The following TMEM170A variants were observed in gnomAD, a reference collection of about 807,000 sequenced individuals.
TMEM170A encodes the protein transmembrane protein 170A.
In TMEM170A, 18 loss-of-function variants were observed where a neutral mutation model predicts 12.8. That is an observed-to-expected ratio of 1.41 (90% CI 0.97 to 2.09). The LOEUF is 2.09. Ranked by LOEUF, TMEM170A falls within the 30% of genes most tolerant of loss-of-function variation. The pLI is 0.00. For missense variants in TMEM170A, 220 were observed against 179.9 expected (o/e 1.22, Z -1.28); for synonymous variants, 107 against 76.2 (o/e 1.40, Z -2.11).
intron 1 of TMEM170A, among the ~76,000 whole-genome samples, chr16:75,462,859 A>G (rs963442392): frequency 6.6e-6 from 1 of 152,174 alleles, no homozygotes; most frequent in African/African-American, 2.4e-5. Context: ...TTATTCTATG[A>G]TGTTCAGTTT....
chr16:75,463,009 T>G (rs37593), intron 1 of TMEM170A, among the ~76,000 whole-genome samples: 1 of 151,940 alleles, frequency 6.6e-6, no homozygotes, highest in African/African-American at 2.4e-5. Flanking sequence ...GTGACCTACA[T>G]CTAAGTGTGA....
chr16:75,444,785 T>C lies in TMEM170A; in HGVS notation c.*2773A>G, dbSNP rs2079556335. ...GATGAAACACTCAGTAATTTGAAGA[T>C]ACCTTTTATACGTTTAGTTTTTTAA... On this transcript the variant is annotated 3_prime_UTR_variant, in exon 3 of 3. Coordinates refer to ENST00000561878, the MANE Select transcript of TMEM170A (RefSeq NM_145254.3). The C allele has an allele frequency of 6.6e-6, 1 of 152,188 alleles. No individual in the cohort carries two copies. Among genetic ancestry groups the C allele is most frequent in the African/African-American group, 2.4e-5 (1 of 41,452 alleles). 9.4% of individuals were successfully genotyped at this position (152,188 alleles called of 1,614,324 possible).
intron 1 of TMEM170A, chr16:75,458,140 A>G (rs1310406036): frequency 6.6e-6 from 1 of 152,166 alleles, no homozygotes; most frequent in East Asian, 1.9e-4. Flanking sequence ...CATATCTTAC[A>G]GTATTTATTT....
chr16:75,460,728 T>C (rs1182092583), intron 1 of TMEM170A, among the ~76,000 whole-genome samples: 5 of 152,172 alleles, frequency 3.3e-5, no homozygotes, highest in South Asian at 2.1e-4. Flanking sequence ...GGCTTTGCTT[T>C]GTTACTATGG....
intron 1 of TMEM170A, among the ~76,000 whole-genome samples, chr16:75,460,579 C>T (rs1356090795): frequency 6.6e-6 from 1 of 152,148 alleles, no homozygotes; most frequent in Middle Eastern, 3.2e-3. Flanking sequence ...ATATCATCAC[C>T]ATCCAGGGCC....
chr16:75,451,176 T>A (rs2151631099), intron 2 of TMEM170A, among the ~76,000 whole-genome samples: 1 of 152,094 alleles, frequency 6.6e-6, no homozygotes, highest in African/African-American at 2.4e-5. Context: ...CTGAAGCCAC[T>A]GAGATGAAAT....
intron 2 of TMEM170A, among the ~76,000 whole-genome samples, chr16:75,449,272 A>G (rs1729106088): frequency 6.6e-6 from 1 of 152,064 alleles, no homozygotes; most frequent in South Asian, 2.1e-4. Flanking sequence ...TGGGGACACA[A>G]GACAGAAACA....
intron 1 of TMEM170A, chr16:75,458,169 A>C (rs2079833220): frequency 6.6e-6 from 1 of 152,240 alleles, no homozygotes; most frequent in Non-Finnish European, 1.5e-5. Flanking sequence ...CTTTAAAGCA[A>C]GTATATTACT....
At chr16:75,458,922 C>G (rs903972908) in intron 1 of TMEM170A, 2 of 151,782 alleles carry the variant, frequency 1.3e-5, no homozygotes, top group African/African-American at 4.8e-5. Flanking sequence ...TTGAGACAGT[C>G]TCACTCTGTT....
chr16:75,454,392 G>A (rs2079746745), intron 1 of TMEM170A, among the ~76,000 whole-genome samples: 1 of 152,118 alleles, frequency 6.6e-6, no homozygotes, highest in Admixed American at 6.6e-5. Context: ...GTCGAGGTGG[G>A]CTAATCACGA....
At position 75,443,618 on chromosome 16, in the gene TMEM170A, TA is replaced by T; in HGVS notation, c.*3939del. 6.6e-6 allele frequency: 1 copy of T among 152,188 alleles called. No individual in the cohort carries two copies. The highest frequency in any genetic ancestry group is 2.4e-5 in the African/African-American group (1 of 41,532). 9.4% of individuals were successfully genotyped at this position (152,188 alleles called of 1,614,324 possible). ...ATACAATTTAAAATCTTAAAAAAAA[TA>T]AGGAACGGTTTAAAGGTAATTAATG... On this transcript the variant is annotated 3_prime_UTR_variant, in exon 3 of 3. Coordinates refer to ENST00000561878, the MANE Select transcript of TMEM170A (RefSeq NM_145254.3).
chr16:75,452,362 A>G (rs2079704805), intron 1 of TMEM170A, among the ~76,000 whole-genome samples: 1 of 150,980 alleles, frequency 6.6e-6, no homozygotes, highest in South Asian at 2.1e-4. Flanking sequence ...TTGACCTCCT[A>G]GGTCTGGGTG....
rs2079602926 is a variant in TMEM170A, at chr16:75,447,274, T to C, written c.*284A>G. 2 of 222,744 alleles carry C rather than the reference T, an allele frequency of 9.0e-6. No individual in the cohort carries two copies. Among genetic ancestry groups the C allele is most frequent in the Non-Finnish European group, 1.7e-5 (2 of 115,184 alleles). 13.8% of individuals were successfully genotyped at this position (222,744 alleles called of 1,614,324 possible). Reference sequence around the variant, plus strand: ...AAAGGATGCCACCCCAGAGACACTGTTGACTTGGCTTGGGTAAAGGTACAC... The same window carrying C: ...AAAGGATGCCACCCCAGAGACACTGCTGACTTGGCTTGGGTAAAGGTACAC... On this transcript the variant is annotated 3_prime_UTR_variant, in exon 3 of 3. Coordinates refer to ENST00000561878, the MANE Select transcript of TMEM170A (RefSeq NM_145254.3).
chr16:75,462,952 T>C (rs1234757263), intron 1 of TMEM170A, among the ~76,000 whole-genome samples: 2 of 152,218 alleles, frequency 1.3e-5, no homozygotes, highest in Non-Finnish European at 1.5e-5. Flanking sequence ...GCAAGTGTTA[T>C]GACTTCTGCA....
intron 1 of TMEM170A, among the ~76,000 whole-genome samples, chr16:75,462,616 A>G (rs1227276670): frequency 2.0e-5 from 3 of 152,248 alleles, no homozygotes; most frequent in Non-Finnish European, 4.4e-5. Flanking sequence ...AGACCATCTA[A>G]TGAACCTAGA....
intron 1 of TMEM170A, among the ~76,000 whole-genome samples, chr16:75,459,592 G>C (rs247453): frequency 0.95 from 144,049 of 152,188 alleles, 68,429 homozygotes; most frequent in East Asian, 1. Flanking sequence ...CGTGGTGGCT[G>C]ACACCTGTAA....
chr16:75,463,250 C>T (rs1203424170), intron 1 of TMEM170A, among the ~76,000 whole-genome samples: 1 of 151,976 alleles, frequency 6.6e-6, no homozygotes, highest in Non-Finnish European at 1.5e-5. Context: ...CCAGATTGCA[C>T]GAACATTTCA....
chr16:75,447,830 T>C (rs1270245462), intron 2 of TMEM170A, 142 bp from the exon 3 acceptor site: 8 of 1,058,878 alleles, frequency 7.6e-6, no homozygotes, highest in African/African-American at 4.8e-5. Flanking sequence ...AATGTTAGGT[T>C]TTCCCTATTC....
chr16:75,452,010 C>T (rs1480023927), intron 1 of TMEM170A, among the ~76,000 whole-genome samples, 171 bp from the exon 2 acceptor site: 4 of 152,106 alleles, frequency 2.6e-5, no homozygotes, highest in African/African-American at 9.7e-5. Flanking sequence ...CTCGCTCTGT[C>T]ACCCAGGCTG....
Sources: gnomAD v4.1 joint callset for allele counts (sites outside exome capture counted in the v4.1 genomes callset) on GRCh38, gnomAD v4.1.1 for gene constraint, MANE v1.5 for transcripts, NCBI Gene and HGNC (gene_info 2026-07-23, HGNC 2026-07-21) for gene names.